Variants in NKAIN3 observed in about 807,000 individuals in gnomAD.
The protein encoded by NKAIN3 is sodium/potassium-transporting ATPase subunit beta-1-interacting protein 3.
In NKAIN3, 25 loss-of-function variants were observed where a neutral mutation model predicts 30.2. That is an observed-to-expected ratio of 0.83 (90% CI 0.60 to 1.16). NKAIN3 has a LOEUF of 1.16. Among genes scored for constraint, NKAIN3 ranks in the 50% most tolerant of loss-of-function variants. The pLI, the probability that NKAIN3 is intolerant of heterozygous loss-of-function variation, is 0.00. For missense variants in NKAIN3, 225 were observed against 254.1 expected (o/e 0.89, Z 0.78); for synonymous variants, 91 against 89.6 (o/e 1.02, Z -0.09).
At chr8:62,928,364 A>G (rs1822512656) in intron 5 of NKAIN3, among the ~76,000 whole-genome samples, 1 of 152,162 alleles carries the variant, frequency 6.6e-6, no homozygotes, top group African/African-American at 2.4e-5. Context: ...GATTTTAAGT[A>G]CAGAAAATCT....
chr8:62,852,976 G>A (rs2130777143), intron 4 of NKAIN3, among the ~76,000 whole-genome samples: 1 of 152,252 alleles, frequency 6.6e-6, no homozygotes, highest in African/African-American at 2.4e-5. Flanking sequence ...AGGTCCACTT[G>A]GTGCAGAGCT....
At chr8:62,399,929 T>C (rs1359339375) in intron 1 of NKAIN3, among the ~76,000 whole-genome samples, 1 of 152,020 alleles carries the variant, frequency 6.6e-6, no homozygotes, top group Non-Finnish European at 1.5e-5. Flanking sequence ...AATGGTCTAA[T>C]ATAGGGGAGA....
At chr8:62,992,548 C>T (rs1008239350) in intron 5 of NKAIN3, among the ~76,000 whole-genome samples, 2 of 151,916 alleles carry the variant, frequency 1.3e-5, no homozygotes, top group East Asian at 1.9e-4. Context: ...CATGATATAT[C>T]GATAAGTCCC....
At chr8:62,405,784 T>C (rs1804046851) in intron 1 of NKAIN3, among the ~76,000 whole-genome samples, 1 of 152,228 alleles carries the variant, frequency 6.6e-6, no homozygotes, top group African/African-American at 2.4e-5. Flanking sequence ...CAATTTGGTG[T>C]TCCCATGGAG....
intron 1 of NKAIN3, among the ~76,000 whole-genome samples, chr8:62,536,456 C>T (rs1427057689): frequency 1.3e-5 from 2 of 151,996 alleles, no homozygotes; most frequent in African/African-American, 4.8e-5. Context: ...GAGATAGGAC[C>T]TTATCAAGTG....
At chr8:62,831,551 T>C (rs1819198306) in intron 4 of NKAIN3, among the ~76,000 whole-genome samples, 1 of 152,110 alleles carries the variant, frequency 6.6e-6, no homozygotes, top group South Asian at 2.1e-4. Context: ...GCTTTTGGAA[T>C]TGACAAACTT....
intron 1 of NKAIN3, among the ~76,000 whole-genome samples, chr8:62,455,963 T>C (rs1805806557): frequency 6.6e-6 from 1 of 152,188 alleles, no homozygotes; most frequent in Non-Finnish European, 1.5e-5. Context: ...ATAACAGACA[T>C]GGCTACTATG....
At chr8:62,748,955 T>A (rs1037969744) in intron 4 of NKAIN3, among the ~76,000 whole-genome samples, 1 of 152,176 alleles carries the variant, frequency 6.6e-6, no homozygotes, top group Admixed American at 6.5e-5. Context: ...AAAATATATA[T>A]GTTTAAATTT....
At chr8:62,572,843 C>T (rs1011483463) in intron 1 of NKAIN3, among the ~76,000 whole-genome samples, 3 of 152,176 alleles carry the variant, frequency 2.0e-5, no homozygotes, top group Non-Finnish European at 4.4e-5. Context: ...ATTATGGGAG[C>T]TACAAGATGA....
At chr8:62,419,049 G>T (rs1804548274) in intron 1 of NKAIN3, among the ~76,000 whole-genome samples, 1 of 152,116 alleles carries the variant, frequency 6.6e-6, no homozygotes, top group Non-Finnish European at 1.5e-5. Context: ...GGTAAAAGGA[G>T]CCAGTCTTAC....
rs1820373537 is a variant in NKAIN3 at position 62,864,948 on chromosome 8, G to A, written c.472-53505G>A. Among the ~76,000 whole-genome samples, 3 of 152,244 alleles carry A rather than the reference G, an allele frequency of 2.0e-5. No homozygotes were observed. In the South Asian group the frequency reaches 6.2e-4, roughly 32 times the overall value. ...GGAGCGCGGCGTGTATGGCATTTGA[G>A]CTGGCAATGGGCGATTATTTGTTTG... On this transcript the variant is annotated intron_variant, in intron 4 of 6. Coordinates refer to ENST00000623646, the MANE Select transcript of NKAIN3 (RefSeq NM_001304533.3).
chr8:62,970,205 G>A lies in NKAIN3; in HGVS notation c.*4798G>A, dbSNP rs1823803265. ...ACTGCACTCCAGCCTAGGCAATACA[G>A]CAAAAGCCTGTCTCTAAAAAGAGAG... On this transcript the variant is annotated 3_prime_UTR_variant, in exon 7 of 7. Coordinates refer to ENST00000623646, the MANE Select transcript of NKAIN3 (RefSeq NM_001304533.3). Among the ~76,000 whole-genome samples the A allele has an allele frequency of 6.6e-6, 1 of 152,016 alleles. No homozygotes were observed. The highest frequency in any genetic ancestry group is 2.4e-5 in the African/African-American group (1 of 41,400).
At chr8:62,689,989 T>TAAATAAAA (rs1813914204) in intron 3 of NKAIN3, among the ~76,000 whole-genome samples, 2 of 148,364 alleles carry the variant, frequency 1.3e-5, no homozygotes, top group East Asian at 2.0e-4. Context: ...AATAAATAAA[T>TAAATAAAA]AAAATTGCAC....
chr8:62,719,150 C>T (rs988500949), intron 3 of NKAIN3, among the ~76,000 whole-genome samples: 35 of 152,286 alleles, frequency 2.3e-4, no homozygotes, highest in African/African-American at 8.4e-4. Context: ...TCATAGTAAA[C>T]TCTCTTTACA....
In NKAIN3 at chr8:62,646,232, C is replaced by T. The variant is rs919311627; in HGVS notation, c.273+56438C>T. 6.6e-5 allele frequency among the ~76,000 whole-genome samples: 10 copies of T among 151,494 alleles called. No homozygotes were observed. In the East Asian group the frequency reaches 1.9e-3, roughly 30 times the overall value. On this transcript the variant is annotated intron_variant, in intron 3 of 6. Transcript: ENST00000623646. ...GAAACAGTTTTATCCTCCCATCCCCCATACCAACCACAATTAAGAGGTTTA... is the reference window on the plus strand; with the variant it reads ...GAAACAGTTTTATCCTCCCATCCCCTATACCAACCACAATTAAGAGGTTTA...
chr8:62,339,812 T>C (rs1187534102), intron 1 of NKAIN3, among the ~76,000 whole-genome samples: 1 of 152,052 alleles, frequency 6.6e-6, no homozygotes, highest in Non-Finnish European at 1.5e-5. Flanking sequence ...TTTTATAATG[T>C]AAGAACGGTG....
At chr8:62,658,154 T>C (rs1046714530) in intron 3 of NKAIN3, among the ~76,000 whole-genome samples, 2 of 152,196 alleles carry the variant, frequency 1.3e-5, no homozygotes, top group Non-Finnish European at 2.9e-5. Context: ...GAGAGTGTAT[T>C]CTCACAAAGT....
chr8:62,499,734 A>G (rs1170085268), intron 1 of NKAIN3, among the ~76,000 whole-genome samples: 1 of 152,116 alleles, frequency 6.6e-6, no homozygotes. Flanking sequence ...TATTTTAAGG[A>G]TTTGGCCATC....
intron 1 of NKAIN3, among the ~76,000 whole-genome samples, chr8:62,280,037 T>C (rs973431110): frequency 6.6e-6 from 1 of 152,218 alleles, no homozygotes; most frequent in African/African-American, 2.4e-5. Flanking sequence ...GTTTGTGTCC[T>C]CTTTTATTTC....
Sources: allele counts gnomAD v4.1 joint callset (sites outside exome capture counted in the v4.1 genomes callset), GRCh38; gene constraint gnomAD v4.1.1; transcripts MANE v1.5; gene names NCBI Gene and HGNC (gene_info 2026-07-23, HGNC 2026-07-21).